DOCK4: variants seen among roughly 807,000 people sequenced by gnomAD.
DOCK4 encodes the protein dedicator of cytokinesis protein 4.
In DOCK4, 97 loss-of-function variants were observed where a neutral mutation model predicts 268.1. The ratio of observed to expected loss-of-function variants is 0.36; its 90% CI spans 0.31 to 0.43. DOCK4 has a LOEUF of 0.43. DOCK4 is among the 20% of genes least tolerant of loss of function. DOCK4 has a pLI of 1.00. For missense variants in DOCK4, 2,145 were observed against 2,455.7 expected (o/e 0.87, Z 2.67); for synonymous variants, 954 against 887.2 (o/e 1.08, Z -1.34).
At chr7:112,133,999 A>G (rs1044194455) in intron 1 of DOCK4, among the ~76,000 whole-genome samples, 1 of 152,196 alleles carries the variant, frequency 6.6e-6, no homozygotes, top group Non-Finnish European at 1.5e-5. Context: ...ACATGTTGTC[A>G]GATTAGCTAT....
chr7:111,850,746 C>T (rs1027245082), intron 23 of DOCK4, among the ~76,000 whole-genome samples: 2 of 151,816 alleles, frequency 1.3e-5, no homozygotes, highest in African/African-American at 4.8e-5. Flanking sequence ...CCCCTGCCCT[C>T]AAGAGAACAA....
chr7:112,012,900 A>G (rs1398063398), intron 1 of DOCK4, among the ~76,000 whole-genome samples: 3 of 152,124 alleles, frequency 2.0e-5, no homozygotes, highest in Admixed American at 2.0e-4. Flanking sequence ...ACACAGTAGA[A>G]TTGAAGTGGG....
chr7:111,980,473 G>C (rs1798527200), intron 7 of DOCK4, among the ~76,000 whole-genome samples: 1 of 152,186 alleles, frequency 6.6e-6, no homozygotes, highest in South Asian at 2.1e-4. Context: ...ATTAGGAGAA[G>C]AAAGAGATTC....
intron 1 of DOCK4, among the ~76,000 whole-genome samples, chr7:112,198,422 G>T (rs1398813749): frequency 6.6e-6 from 1 of 152,134 alleles, no homozygotes; most frequent in African/African-American, 2.4e-5. Context: ...ATAGTATCCT[G>T]AGCTAAGACA....
intron 12 of DOCK4, among the ~76,000 whole-genome samples, chr7:111,926,526 AAAAAG>A (rs747733481): frequency 2.0e-4 from 30 of 149,210 alleles, no homozygotes; most frequent in Non-Finnish European, 4.0e-4. Flanking sequence ...AAAAAGAAAG[AAAAAG>A]AGAAAGAGAA....
intron 1 of DOCK4, among the ~76,000 whole-genome samples, chr7:112,080,061 G>A (rs991985445): frequency 6.6e-6 from 1 of 151,920 alleles, no homozygotes; most frequent in Non-Finnish European, 1.5e-5. Flanking sequence ...ATTTCTATTA[G>A]AGGAACTAAA....
chr7:111,932,134 T>C (rs1200586694), intron 12 of DOCK4, among the ~76,000 whole-genome samples: 1 of 152,190 alleles, frequency 6.6e-6, no homozygotes. Flanking sequence ...CCTCAGAGTT[T>C]GGACAATTAT....
intron 8 of DOCK4, among the ~76,000 whole-genome samples, chr7:111,976,273 A>T (rs1359729863): frequency 2.4e-3 from 4 of 1,650 alleles, no homozygotes; most frequent in African/African-American, 7.4e-3. Context: ...TGTCTATTAT[A>T]TATATATATA....
intron 22 of DOCK4, among the ~76,000 whole-genome samples, chr7:111,864,072 C>A (rs528939748): frequency 1.3e-5 from 2 of 152,212 alleles, no homozygotes; most frequent in East Asian, 3.9e-4. Flanking sequence ...GCTTTGCTTC[C>A]AATAACTCTG....
At chr7:111,758,574 G>T (rs1423893437) in intron 41 of DOCK4, 50 bp downstream of exon 41, 14 of 1,595,414 alleles carry the variant, frequency 8.8e-6, no homozygotes, top group Non-Finnish European at 1.2e-5. Context: ...TGCCCCAAGG[G>T]GCTCGCAGTC....
intron 25 of DOCK4, among the ~76,000 whole-genome samples, chr7:111,836,372 T>C (rs1157750408): frequency 2.6e-5 from 4 of 152,016 alleles, no homozygotes; most frequent in African/African-American, 4.8e-5. Flanking sequence ...AATGATCAAA[T>C]AGTTTCCAAT....
At chr7:111,870,530 C>A (rs979501940) in intron 20 of DOCK4, among the ~76,000 whole-genome samples, 2 of 152,060 alleles carry the variant, frequency 1.3e-5, no homozygotes, top group African/African-American at 4.8e-5. Flanking sequence ...CCATGTTGGT[C>A]AGGCTGGTCT....
intron 7 of DOCK4, among the ~76,000 whole-genome samples, chr7:111,979,382 T>C (rs932625531): frequency 6.6e-6 from 1 of 152,110 alleles, no homozygotes; most frequent in African/African-American, 2.4e-5. Context: ...CTATAATTAC[T>C]AAACACAGGT....
intron 1 of DOCK4, among the ~76,000 whole-genome samples, chr7:112,050,775 T>G (rs1456659376): frequency 6.6e-6 from 1 of 152,170 alleles, no homozygotes; most frequent in East Asian, 1.9e-4. Context: ...CAATCCCGAT[T>G]TTTTTACTGA....
intron 1 of DOCK4, among the ~76,000 whole-genome samples, chr7:112,164,328 C>T (rs1259539311): frequency 6.6e-6 from 1 of 152,096 alleles, no homozygotes. Flanking sequence ...ATATTAATAT[C>T]ACCCTGCACA....
At chr7:112,005,949 A>G (rs1210131341) in intron 1 of DOCK4, among the ~76,000 whole-genome samples, 2 of 152,076 alleles carry the variant, frequency 1.3e-5, no homozygotes, top group East Asian at 1.9e-4. Context: ...AGTCCCCTCA[A>G]TGTGGCCACA....
At chr7:111,851,651 T>G (rs1052642255) in intron 23 of DOCK4, among the ~76,000 whole-genome samples, 1 of 151,994 alleles carries the variant, frequency 6.6e-6, no homozygotes, top group African/African-American at 2.4e-5. Flanking sequence ...TTCTTTCTAC[T>G]TGAGGACCCA....
intron 1 of DOCK4, among the ~76,000 whole-genome samples, chr7:112,034,628 C>T (rs1054192734): frequency 2.0e-5 from 3 of 152,164 alleles, no homozygotes; most frequent in Non-Finnish European, 4.4e-5. Flanking sequence ...TGGCCAGATG[C>T]GGTGGCTCAC....
At chr7:111,969,126 G>A (rs1797480992) in intron 8 of DOCK4, among the ~76,000 whole-genome samples, 1 of 127,484 alleles carries the variant, frequency 7.8e-6, no homozygotes, top group Non-Finnish European at 1.6e-5. Flanking sequence ...CACATTAGTG[G>A]GTGCAGCGCA....
Sources: allele counts gnomAD v4.1 joint callset (sites outside exome capture counted in the v4.1 genomes callset), GRCh38; gene constraint gnomAD v4.1.1; transcripts MANE v1.5; gene names NCBI Gene and HGNC (gene_info 2026-07-23, HGNC 2026-07-21).